Variants in APLF observed in about 807,000 individuals in gnomAD.
APLF encodes the protein aprataxin and PNKP like factor.
Under a neutral mutation model 55.6 loss-of-function variants are expected in APLF, and 61 were observed. The ratio of observed to expected loss-of-function variants is 1.10; its 90% CI spans 0.89 to 1.36. The LOEUF (loss-of-function observed/expected upper bound fraction) is 1.36, where lower values mean the gene tolerates loss of function less well. Ranked by LOEUF, APLF falls within the 40% of genes most tolerant of loss-of-function variation. The pLI is 0.00. For missense variants in APLF, 611 were observed against 602.5 expected, an observed-to-expected ratio of 1.01 and a Z score of -0.15; for synonymous variants, 207 against 214.8, an observed-to-expected ratio of 0.96 and a Z score of 0.32.
At chr2:68,484,283 A>T (rs909008327) in intron 1 of APLF, among the ~76,000 whole-genome samples, 1 of 152,188 alleles carries the variant, frequency 6.6e-6, no homozygotes, top group Non-Finnish European at 1.5e-5. Flanking sequence ...TAGATGAAGT[A>T]TTCTAGTAAT....
At chr2:68,540,505 T>C (rs1199632913) in intron 7 of APLF, among the ~76,000 whole-genome samples, 1 of 152,204 alleles carries the variant, frequency 6.6e-6, no homozygotes, top group African/African-American at 2.4e-5. Context: ...GAATGATTTA[T>C]ATTCCTTTAG....
intron 2 of APLF, among the ~76,000 whole-genome samples, chr2:68,492,341 G>T (rs557676951): frequency 6.6e-6 from 1 of 152,176 alleles, no homozygotes; most frequent in Admixed American, 6.5e-5. Flanking sequence ...AGCCGGGCAC[G>T]GTGGTGGGCG....
rs77525866 is a variant in APLF, at chr2:68,469,091, G to A, written c.96+1264G>A. On this transcript the variant is annotated intron_variant, in intron 1 of 9. Coordinates refer to ENST00000303795, the MANE Select transcript of APLF (RefSeq NM_173545.3). ...TTATTGAGGAAGTAGATATTCAATT[G>A]CTGTTCATTTTTTTACTGGACAAGT... 7.8e-3 allele frequency among the ~76,000 whole-genome samples: 1,182 copies of A among 151,770 alleles called. 15 individuals are homozygous for A. The highest frequency in any genetic ancestry group is 0.027 in the African/African-American group (1,127 of 41,380).
chr2:68,480,328 G>T (rs1172956032), intron 1 of APLF, among the ~76,000 whole-genome samples: 2 of 148,172 alleles, frequency 1.3e-5, no homozygotes, highest in African/African-American at 2.5e-5. Context: ...TTTTTGAGAC[G>T]GAGTTTCACT....
At chr2:68,577,782 G>T (rs1244251878) in intron 9 of APLF, 38 bp from the exon 10 acceptor site, 1 of 1,601,938 alleles carries the variant, frequency 6.2e-7, no homozygotes, top group Non-Finnish European at 8.5e-7. Context: ...AGGTTGAGTG[G>T]TGATTGATGT....
chr2:68,519,297 T>C (rs1469605844), intron 5 of APLF, among the ~76,000 whole-genome samples: 2 of 144,428 alleles, frequency 1.4e-5, no homozygotes. Context: ...ATATATAAAA[T>C]GTCAAATTAC....
intron 5 of APLF, among the ~76,000 whole-genome samples, chr2:68,518,482 A>T (rs1191998287): frequency 8.6e-6 from 1 of 116,664 alleles, no homozygotes; most frequent in African/African-American, 3.5e-5. Flanking sequence ...AATAATACAT[A>T]ATAACATTAA....
intron 3 of APLF, among the ~76,000 whole-genome samples, chr2:68,511,491 A>G (rs547014831): frequency 6.6e-6 from 1 of 151,740 alleles, no homozygotes; most frequent in African/African-American, 2.4e-5. Context: ...TAAAAATTAC[A>G]TATGGACTAT....
intron 6 of APLF, among the ~76,000 whole-genome samples, chr2:68,532,848 C>T (rs1670294827): frequency 6.6e-6 from 1 of 152,106 alleles, no homozygotes; most frequent in Non-Finnish European, 1.5e-5. Context: ...ATCCTCAGAG[C>T]AACAGTATTG....
intron 3 of APLF, among the ~76,000 whole-genome samples, chr2:68,507,557 A>G (rs1676903008): frequency 6.6e-6 from 1 of 151,878 alleles, no homozygotes; most frequent in Non-Finnish European, 1.5e-5. Flanking sequence ...TGCTTTTTTG[A>G]GAAGTCAAAG....
chr2:68,505,527 C>G (rs563809927), intron 3 of APLF, among the ~76,000 whole-genome samples: 4 of 152,138 alleles, frequency 2.6e-5, no homozygotes, highest in African/African-American at 9.6e-5. Context: ...ACTTTCACAG[C>G]ACTGTACTTT....
intron 8 of APLF, among the ~76,000 whole-genome samples, chr2:68,564,701 G>A (rs1004980714): frequency 6.6e-6 from 1 of 152,096 alleles, no homozygotes; most frequent in African/African-American, 2.4e-5. Context: ...GTGCAGGGAG[G>A]TGGCTGAGTC....
At chr2:68,491,803 C>G (rs1310478849) in intron 2 of APLF, among the ~76,000 whole-genome samples, 1 of 152,138 alleles carries the variant, frequency 6.6e-6, no homozygotes, top group Admixed American at 6.5e-5. Flanking sequence ...TCTGAGTCTC[C>G]AGTGTCTGCT....
chr2:68,480,439 G>A (rs1675918793), intron 1 of APLF, among the ~76,000 whole-genome samples: 1 of 151,888 alleles, frequency 6.6e-6, no homozygotes, highest in African/African-American at 2.4e-5. Flanking sequence ...GAGTAGCTGG[G>A]ATTACAGGCG....
chr2:68,539,111 A>C (rs1044704744), intron 7 of APLF, among the ~76,000 whole-genome samples: 1 of 152,194 alleles, frequency 6.6e-6, no homozygotes, highest in Non-Finnish European at 1.5e-5. Flanking sequence ...TGAATAACTC[A>C]TATTTTAAAA....
chr2:68,478,717 T>C (rs1380718664), intron 1 of APLF, among the ~76,000 whole-genome samples: 1 of 151,670 alleles, frequency 6.6e-6, no homozygotes, highest in African/African-American at 2.4e-5. Flanking sequence ...AGTGCCCTAC[T>C]CTGGAAAAAA....
intron 7 of APLF, among the ~76,000 whole-genome samples, chr2:68,542,320 A>C (rs1670575322): frequency 6.6e-6 from 1 of 152,214 alleles, no homozygotes; most frequent in African/African-American, 2.4e-5. Flanking sequence ...TTAAAGTTAA[A>C]AACTTCTGTA....
intron 8 of APLF, among the ~76,000 whole-genome samples, chr2:68,547,224 G>A (rs1025982680): frequency 5.3e-5 from 8 of 151,730 alleles, no homozygotes; most frequent in African/African-American, 1.9e-4. Flanking sequence ...GTAAAAATGA[G>A]AAAATGTTTT....
chr2:68,479,082 A>C (rs889462601), intron 1 of APLF, among the ~76,000 whole-genome samples: 2 of 152,166 alleles, frequency 1.3e-5, no homozygotes, highest in African/African-American at 2.4e-5. Context: ...TGAGTAACGA[A>C]GGTGCTGAAG....
Sources: allele counts gnomAD v4.1 joint callset (sites outside exome capture counted in the v4.1 genomes callset), GRCh38; gene constraint gnomAD v4.1.1; transcripts MANE v1.5; gene names NCBI Gene and HGNC (gene_info 2026-07-23, HGNC 2026-07-21).